The following STARD3NL variants were observed in gnomAD, a reference collection of about 807,000 sequenced individuals.
STARD3NL encodes the protein STARD3 N-terminal-like protein.
STARD3NL carries 17 observed loss-of-function variants against 30.9 expected under a neutral mutation model. The ratio of observed to expected loss-of-function variants is 0.55; its 90% confidence interval spans 0.38 to 0.82. The LOEUF is 0.82. Among genes scored for constraint, STARD3NL ranks in the 40% least tolerant of loss-of-function variants. The pLI is 0.00. For synonymous variants in STARD3NL, 112 were observed against 100.5 expected (o/e 1.11, Z -0.69); for missense variants, 234 against 277.6 (o/e 0.84, Z 1.12).
At chr7:38,229,715 C>T (rs551822988) in intron 8 of STARD3NL, among the ~76,000 whole-genome samples, 53 of 152,314 alleles carry the variant, frequency 3.5e-4, no homozygotes, top group African/African-American at 7.7e-4. Flanking sequence ...GTCATGTAGA[C>T]GCGAAGCAAA....
intron 1 of STARD3NL, among the ~76,000 whole-genome samples, chr7:38,189,204 C>G (rs1403482990): frequency 6.6e-6 from 1 of 152,064 alleles, no homozygotes; most frequent in South Asian, 2.1e-4. Flanking sequence ...GGAATGAAAG[C>G]ATTAATTACA....
At chr7:38,196,840 T>C (rs1784918911) in intron 1 of STARD3NL, among the ~76,000 whole-genome samples, 1 of 152,228 alleles carries the variant, frequency 6.6e-6, no homozygotes, top group Non-Finnish European at 1.5e-5. Context: ...AAATTGGGAC[T>C]ACTGGATTTA....
intron 7 of STARD3NL, among the ~76,000 whole-genome samples, chr7:38,226,832 T>C (rs1049553619): frequency 6.6e-6 from 1 of 152,180 alleles, no homozygotes; most frequent in Non-Finnish European, 1.5e-5. Context: ...TCCCTTCAAC[T>C]GAGTAGCTTT....
chr7:38,217,305 AG>A lies in STARD3NL; in HGVS notation c.553+1del. 6.2e-7 allele frequency: 1 copy of A among 1,613,754 alleles called. No homozygotes were observed. The highest frequency in any genetic ancestry group is 8.5e-7 in the Non-Finnish European group (1 of 1,179,806). ...ACCTCAAGAAGCAGAAGAAGAAAAC[AG>A]TAAGTTCCTCTCAAAGTCAGCCTCC... On this transcript the variant is annotated splice_donor_variant, in intron 6 of 8. Transcript: ENST00000009041. LOFTEE classifies it high-confidence loss of function.
intron 7 of STARD3NL, among the ~76,000 whole-genome samples, chr7:38,220,545 T>A (rs1261335626): frequency 1.3e-5 from 2 of 152,160 alleles, no homozygotes; most frequent in African/African-American, 4.8e-5. Flanking sequence ...CGGGTGAGAA[T>A]GTAAAATGGT....
At chr7:38,221,072 T>C (rs1322428278) in intron 7 of STARD3NL, among the ~76,000 whole-genome samples, 2 of 152,210 alleles carry the variant, frequency 1.3e-5, no homozygotes, top group Non-Finnish European at 2.9e-5. Context: ...TGATTTCACT[T>C]AGATGAGATA....
At chr7:38,213,845 C>T (rs1322271656) in intron 2 of STARD3NL, among the ~76,000 whole-genome samples, 1 of 152,150 alleles carries the variant, frequency 6.6e-6, no homozygotes, top group Admixed American at 6.6e-5. Context: ...AGTGCAGAAT[C>T]TTTAAATGCC....
chr7:38,218,830 T>C (rs186022871), intron 6 of STARD3NL, among the ~76,000 whole-genome samples: 118 of 152,322 alleles, frequency 7.7e-4, no homozygotes, highest in African/African-American at 2.6e-3. Context: ...ACACTTTTTT[T>C]CTTTTGAAAC....
In STARD3NL at chr7:38,217,096, T is replaced by G. The variant is rs762360145; in HGVS notation, c.435+18T>G. On this transcript the variant is annotated intron_variant, in intron 5 of 8. Transcript: ENST00000009041. ...TTTCGAAGGTATGGCCTACCACTTT[T>G]TCTATACAGTTACCATCTTCAGTGA... 4 of 1,613,968 alleles carry G rather than the reference T, an allele frequency of 2.5e-6. No homozygotes were observed. Among genetic ancestry groups the G allele is most frequent in the African/African-American group, 2.7e-5 (2 of 74,928 alleles).
chr7:38,220,971 AAGAAT>A (rs1025108524), intron 7 of STARD3NL, among the ~76,000 whole-genome samples: 4 of 116,724 alleles, frequency 3.4e-5, no homozygotes, highest in African/African-American at 1.2e-4. Context: ...AAGAAAAGAA[AAGAAT>A]AGAATTCTGA....
chr7:38,207,593 C>T lies in STARD3NL; in HGVS notation c.89C>T (p.Pro30Leu), dbSNP rs1265419960. Residue 30 changes from proline to leucine, a missense_variant, in exon 2 of 9, where the codon CCC (proline) becomes CTC (leucine). Transcript: ENST00000009041. ...ASLRNIHSIN[P>L]TQLMARIESY... Reference sequence around the variant, plus strand: ...CTGCGCAATATCCATTCCATCAACCCCACACAACTCATGGCCAGGATTGAG... The same window carrying T: ...CTGCGCAATATCCATTCCATCAACCTCACACAACTCATGGCCAGGATTGAG... The T allele has an allele frequency of 6.2e-7, 1 of 1,613,930 alleles. No individual in the cohort carries two copies. Among genetic ancestry groups the T allele is most frequent in the Non-Finnish European group, 8.5e-7 (1 of 1,179,958 alleles).
intron 8 of STARD3NL, 139 bp downstream of exon 8, chr7:38,229,010 A>T (rs1759895782): frequency 1.8e-6 from 1 of 554,164 alleles, no homozygotes; most frequent in African/African-American, 1.9e-5. Context: ...TATCAGTCAC[A>T]TTTTATTAAT....
intron 1 of STARD3NL, among the ~76,000 whole-genome samples, chr7:38,203,546 G>A (rs1001634150): frequency 7.2e-5 from 11 of 152,100 alleles, no homozygotes; most frequent in Admixed American, 5.9e-4. Flanking sequence ...AAAGACCATC[G>A]AGGCTAGAAA....
At chr7:38,216,121 G>T (rs763299904) in intron 4 of STARD3NL, 1 of 152,042 alleles carries the variant, frequency 6.6e-6, no homozygotes, top group African/African-American at 2.4e-5. Context: ...GATCCCTTTG[G>T]GATGTTGTAT....
At chr7:38,179,607 G>A (rs563316399) in intron 1 of STARD3NL, among the ~76,000 whole-genome samples, 8 of 152,320 alleles carry the variant, frequency 5.3e-5, no homozygotes, top group Admixed American at 1.3e-4. Context: ...TTAGGTTTTA[G>A]AGATTGAGTA....
chr7:38,206,919 T>G (rs62443336), intron 1 of STARD3NL, among the ~76,000 whole-genome samples: 15,414 of 152,250 alleles, frequency 0.1, 830 homozygotes, highest in African/African-American at 0.11. Context: ...AGGCATGTGC[T>G]GCCATGCGCA....
intron 1 of STARD3NL, among the ~76,000 whole-genome samples, chr7:38,204,297 T>A (rs137879452): frequency 0.83 from 126,121 of 152,190 alleles, 52,426 homozygotes; most frequent in African/African-American, 0.88. Context: ...CTCAGACCAC[T>A]GTGCAATCAA....
intron 6 of STARD3NL, among the ~76,000 whole-genome samples, chr7:38,218,655 C>T (rs954912144): frequency 1.3e-5 from 2 of 152,144 alleles, no homozygotes; most frequent in African/African-American, 4.8e-5. Context: ...GCATGTATGA[C>T]ACACATACCT....
intron 1 of STARD3NL, among the ~76,000 whole-genome samples, chr7:38,206,237 C>T (rs2116226541): frequency 6.6e-6 from 1 of 152,274 alleles, no homozygotes; most frequent in African/African-American, 2.4e-5. Context: ...CATTGCCAGT[C>T]ATTGTGGCAG....
Sources: gnomAD v4.1 joint callset for allele counts (sites outside exome capture counted in the v4.1 genomes callset) on GRCh38, gnomAD v4.1.1 for gene constraint, MANE v1.5 for transcripts, NCBI Gene and HGNC (gene_info 2026-07-23, HGNC 2026-07-21) for gene names.